The following UBE2N variants were observed in gnomAD, a reference collection of about 807,000 sequenced individuals.
UBE2N encodes the protein ubiquitin-conjugating enzyme E2 N.
For missense variants in UBE2N, 60 were observed against 192.1 expected, an observed-to-expected ratio of 0.31 and a Z score of 4.07; for synonymous variants, 70 against 69.2, an observed-to-expected ratio of 1.01 and a Z score of -0.06.
chr12:93,425,051 A>C (rs2121079796), intron 1 of UBE2N, among the ~76,000 whole-genome samples: 1 of 152,350 alleles, frequency 6.6e-6, no homozygotes, highest in Admixed American at 6.5e-5. Context: ...CAAAGTCAGA[A>C]AACAGTAATA....
intron 1 of UBE2N, among the ~76,000 whole-genome samples, chr12:93,427,521 T>C (rs909682305): frequency 6.6e-6 from 1 of 152,238 alleles, no homozygotes; most frequent in African/African-American, 2.4e-5. Flanking sequence ...TATTGTATAA[T>C]TCCATTTATA....
intron 1 of UBE2N, among the ~76,000 whole-genome samples, chr12:93,431,164 T>C (rs1447306327): frequency 6.6e-6 from 1 of 151,986 alleles, no homozygotes; most frequent in Admixed American, 6.6e-5. Flanking sequence ...GAGGCAGAGA[T>C]TGCAGTGAGC....
chr12:93,440,658 C>A (rs1879072771), intron 1 of UBE2N, among the ~76,000 whole-genome samples: 1 of 152,142 alleles, frequency 6.6e-6, no homozygotes, highest in Non-Finnish European at 1.5e-5. Flanking sequence ...TTATATCAAG[C>A]AAAATGATGC....
chr12:93,420,134 G>T (rs1348907597), intron 1 of UBE2N, among the ~76,000 whole-genome samples: 4 of 152,200 alleles, frequency 2.6e-5, no homozygotes, highest in Non-Finnish European at 5.9e-5. Context: ...CTATTTCTAA[G>T]ATTCTGCGTA....
intron 1 of UBE2N, among the ~76,000 whole-genome samples, chr12:93,434,504 G>A (rs929700660): frequency 6.6e-6 from 1 of 152,174 alleles, no homozygotes; most frequent in Non-Finnish European, 1.5e-5. Flanking sequence ...GCTTAAAAAA[G>A]AATACTGAAC....
intron 1 of UBE2N, among the ~76,000 whole-genome samples, chr12:93,415,686 C>T (rs954726473): frequency 6.6e-6 from 1 of 152,106 alleles, no homozygotes; most frequent in Admixed American, 6.6e-5. Flanking sequence ...CTCTCCTCAC[C>T]TCCATCCTTT....
intron 1 of UBE2N, among the ~76,000 whole-genome samples, chr12:93,439,100 A>G (rs1010704783): frequency 4.6e-5 from 7 of 152,398 alleles, no homozygotes; most frequent in African/African-American, 1.7e-4. Flanking sequence ...TCATATTAAC[A>G]GTCATGCAAA....
intron 1 of UBE2N, among the ~76,000 whole-genome samples, chr12:93,411,513 C>G (rs533162914): frequency 6.6e-6 from 1 of 152,264 alleles, no homozygotes; most frequent in East Asian, 1.9e-4. Context: ...ATGATGTTAT[C>G]ATACATTTTG....
chr12:93,412,323 C>T (rs2121057106), intron 1 of UBE2N, among the ~76,000 whole-genome samples: 1 of 152,310 alleles, frequency 6.6e-6, no homozygotes, highest in East Asian at 1.9e-4. Context: ...TAGATACTTC[C>T]ATCAGTTCCC....
At chr12:93,410,186 G>T in intron 3 of UBE2N, 107 bp from the exon 4 acceptor site, 1 of 1,128,116 alleles carries the variant, frequency 8.9e-7, no homozygotes, top group Non-Finnish European at 1.3e-6. Flanking sequence ...ATGTCATGCT[G>T]TAATCTGTTA....
At chr12:93,412,628 C>T (rs986792607) in intron 1 of UBE2N, among the ~76,000 whole-genome samples, 6 of 152,224 alleles carry the variant, frequency 3.9e-5, no homozygotes, top group African/African-American at 1.4e-4. Context: ...GACGCGTCCA[C>T]CCTACTGCTG....
Position 93,441,902 on chromosome 12 carries a change from T to C in UBE2N, c.-18A>G, listed in dbSNP as rs200304581. ...CCGGCCATCTTGTCAGAACCCGAGT[T>C]CGGCCTCTGGTCTCGTCTCCGGCTC... On this transcript the variant is annotated 5_prime_UTR_variant, in exon 1 of 4. Coordinates refer to ENST00000318066, the MANE Select transcript of UBE2N (RefSeq NM_003348.4). 2.8e-4 allele frequency: 439 copies of C among 1,574,326 alleles called. 2 individuals are homozygous for C. In the African/African-American group the frequency reaches 5.7e-3, roughly 20 times the overall value.
At chr12:93,424,690 T>C (rs1005575640) in intron 1 of UBE2N, among the ~76,000 whole-genome samples, 1 of 152,244 alleles carries the variant, frequency 6.6e-6, no homozygotes, top group Non-Finnish European at 1.5e-5. Flanking sequence ...CTTGAAGTTA[T>C]ACAGTGAAAT....
At chr12:93,410,384 A>G (rs941820363) in intron 3 of UBE2N, 1 of 493,592 alleles carries the variant, frequency 2.0e-6, no homozygotes, top group Non-Finnish European at 3.5e-6. Flanking sequence ...TCTTGACTCC[A>G]AATTCCGTAG....
Position 93,434,269 on chromosome 12 carries a change from C to T in UBE2N, c.30+7586G>A, listed in dbSNP as rs138038145. Among the ~76,000 whole-genome samples the T allele has an allele frequency of 1.4e-4, 22 of 152,162 alleles. No homozygotes were observed. In the East Asian group the frequency reaches 4.1e-3, roughly 28 times the overall value. On this transcript the variant is annotated intron_variant, in intron 1 of 3. Coordinates refer to ENST00000318066, the MANE Select transcript of UBE2N (RefSeq NM_003348.4). Reference sequence around the variant, plus strand: ...TTCGTGCCACTGCACTCCAGCCTGGCGACAGAGCGAGACTCCGTCTCAACA... The same window carrying T: ...TTCGTGCCACTGCACTCCAGCCTGGTGACAGAGCGAGACTCCGTCTCAACA...
At position 93,410,953 on chromosome 12, in the gene UBE2N, TC is replaced by T. The variant is rs765315751; in HGVS notation, c.278-80del. On this transcript the variant is annotated intron_variant, in intron 2 of 3. Transcript: ENST00000318066. ...CTGCTTCACTTCCCTCCCACAGACC[TC>T]TCTGATCTTTGTATAATGTTTACAT... 4 of 1,613,602 alleles carry T rather than the reference TC, an allele frequency of 2.5e-6. No homozygotes were observed. The Admixed American group carries it at 6.7e-5, about 27-fold the overall frequency.
intron 1 of UBE2N, among the ~76,000 whole-genome samples, chr12:93,438,578 G>T (rs898001801): frequency 6.6e-6 from 1 of 151,818 alleles, no homozygotes; most frequent in African/African-American, 2.4e-5. Flanking sequence ...GCTAAGGGGT[G>T]GGGGGGAAGG....
intron 1 of UBE2N, among the ~76,000 whole-genome samples, chr12:93,436,932 G>T (rs1294045974): frequency 6.6e-6 from 1 of 152,032 alleles, no homozygotes; most frequent in African/African-American, 2.4e-5. Context: ...CACAATTTAG[G>T]AAACATTCTG....
chr12:93,410,206 C>T, intron 3 of UBE2N, 127 bp from the exon 4 acceptor site: 1 of 894,726 alleles, frequency 1.1e-6, no homozygotes, highest in Non-Finnish European at 1.7e-6. Context: ...AAATTCACGC[C>T]TTTTTCTATA....
Sources: gnomAD v4.1 joint callset for allele counts (sites outside exome capture counted in the v4.1 genomes callset) on GRCh38, gnomAD v4.1.1 for gene constraint, MANE v1.5 for transcripts, NCBI Gene and HGNC (gene_info 2026-07-23, HGNC 2026-07-21) for gene names.